Variants in ZNF662 observed in about 807,000 individuals in gnomAD.
The protein encoded by ZNF662 is zinc finger protein 662.
Under a neutral mutation model 12.4 loss-of-function variants are expected in ZNF662, and 14 were observed. That is an observed-to-expected ratio of 1.13 (90% confidence interval 0.75 to 1.77). The LOEUF (loss-of-function observed/expected upper bound fraction) is 1.77, where lower values mean the gene tolerates loss of function less well. ZNF662 is among the 40% of genes most tolerant of loss of function. The pLI is 0.00. For synonymous variants in ZNF662, 184 were observed against 176.4 expected (o/e 1.04, Z -0.34); for missense variants, 550 against 515.6 (o/e 1.07, Z -0.65).
At chr3:42,911,162 G>A (rs1228285129) in intron 3 of ZNF662, among the ~76,000 whole-genome samples, 4 of 152,180 alleles carry the variant, frequency 2.6e-5, no homozygotes, top group Non-Finnish European at 5.9e-5. Flanking sequence ...TCATATGCCA[G>A]CTCTAAATCA....
chr3:42,915,054 T>G lies in ZNF662; in HGVS notation c.981T>G (p.Thr327=). 2 of 1,614,106 alleles carry G rather than the reference T, an allele frequency of 1.2e-6. No homozygotes were observed. The highest frequency in any genetic ancestry group is 1.6e-4 in the Middle Eastern group (1 of 6,062). Residue 327 remains threonine, a synonymous_variant, in exon 5 of 5, where the codon ACT becomes ACG. Transcript: ENST00000440367. ...TTCTTCGACATCAGAGAATGCACAC[T>G]GGGGAGAAGCCTTACGAATGTAAGG... ...PALLRHQRMH[T]GEKPYECKDC...
At chr3:42,912,558 A>ATATTT (rs3045049) in intron 3 of ZNF662, among the ~76,000 whole-genome samples, 1 of 89,150 alleles carries the variant, frequency 1.1e-5, no homozygotes, top group African/African-American at 4.7e-5. Context: ...TAATATAAAT[A>ATATTT]TATATATAAA....
At position 42,908,011 on chromosome 3, in the gene ZNF662, T is replaced by C; in HGVS notation, c.-93-11T>C. 1 of 1,613,982 alleles carries C rather than the reference T, an allele frequency of 6.2e-7. No individual in the cohort carries two copies. Among genetic ancestry groups the C allele is most frequent in the Non-Finnish European group, 8.5e-7 (1 of 1,179,932 alleles). On this transcript the variant is annotated splice_polypyrimidine_tract_variant and intron_variant, in intron 1 of 4. Coordinates refer to ENST00000440367, the MANE Select transcript of ZNF662 (RefSeq NM_207404.4). ...GGTTGTCCTAGGGCATTTAAACACA[T>C]GTTGTTTCAGGAGTCAGTGACCTTC...
At position 42,914,728 on chromosome 3, in the gene ZNF662, G is replaced by T. The variant is rs574205053; in HGVS notation, c.655G>T (p.Val219Phe). The change falls in exon 5 of 5, where the codon GTC becomes TTC. Residue 219 changes from valine (V) to phenylalanine (F), a missense_variant. Transcript: ENST00000440367. ...QHQKTHNGEK[V>F]YGCKECGKAF... is the part of the protein sequence containing the mutation. Reference sequence around the variant, plus strand: ...CCAGAAAACTCATAATGGAGAGAAGGTCTATGGATGTAAGGAATGTGGGAA... The same window carrying T: ...CCAGAAAACTCATAATGGAGAGAAGTTCTATGGATGTAAGGAATGTGGGAA... 8.1e-6 allele frequency: 13 copies of T among 1,614,108 alleles called. No individual in the cohort carries two copies. The highest frequency in any genetic ancestry group is 1.1e-5 in the South Asian group (1 of 91,090).
At position 42,913,198 on chromosome 3, in the gene ZNF662, C is replaced by T. The variant is rs1219045696; in HGVS notation, c.152-3C>T. On this transcript the variant is annotated splice_region_variant and splice_polypyrimidine_tract_variant and intron_variant, in intron 3 of 4. Transcript: ENST00000440367. ...AGCCTTATTTGTATCTTGACCCTGG[C>T]AGGATATCCATTTCTAAAGCCTGCT... is the stretch of plus-strand genomic sequence containing the variant. The T allele has an allele frequency of 3.1e-6, 5 of 1,612,104 alleles. No individual in the cohort carries two copies. Among genetic ancestry groups the T allele is most frequent in the African/African-American group, 2.7e-5 (2 of 74,930 alleles).
In ZNF662 at chr3:42,915,246, T is replaced by G. The variant is rs140216775; in HGVS notation, c.1173T>G (p.Asn391Lys). The G allele has an allele frequency of 2.1e-4, 346 of 1,613,048 alleles. 1 individual carries two copies. The African/African-American group carries it at 4.2e-3, about 20-fold the overall frequency. ...IHTGERPYKCNDCGKAFSQNS... is the reference protein window; with the variant it reads ...IHTGERPYKCKDCGKAFSQNS... ...CTGGGGAAAGACCCTATAAATGTAA[T>G]GACTGTGGGAAGGCCTTCAGTCAGA... The change falls in exon 5 of 5, where the codon AAT (asparagine) becomes AAG (lysine). Residue 391 changes from asparagine to lysine, a missense_variant. Physicochemically the swap from Asn to Lys is moderately conservative, Grantham distance 94 (BLOSUM62 0). Transcript: ENST00000440367.
At chr3:42,912,420 T>C (rs1399370828) in intron 3 of ZNF662, among the ~76,000 whole-genome samples, 2 of 97,938 alleles carry the variant, frequency 2.0e-5, no homozygotes, top group East Asian at 6.0e-4. Flanking sequence ...ATTATATATA[T>C]TAATATATAT....
chr3:42,911,896 G>A (rs2088795882), intron 3 of ZNF662: 1 of 152,126 alleles, frequency 6.6e-6, no homozygotes, highest in African/African-American at 2.4e-5. Context: ...GGATAGGAAG[G>A]AAACTAGGAG....
At chr3:42,913,141 T>A in intron 3 of ZNF662, 60 bp from the exon 4 acceptor site, 2 of 1,265,448 alleles carry the variant, frequency 1.6e-6, no homozygotes, top group Non-Finnish European at 2.3e-6. Context: ...GTCTGCTCTT[T>A]TCCTGATGGG....
rs770911005 is a variant in ZNF662 at position 42,914,324 on chromosome 3, C to G, written c.254-3C>G. ...CATTTGAAGCTCCAATTTCTTTTTT[C>G]AGAGGGTGTGTTGAAGAGGAAGAAA... On this transcript the variant is annotated splice_region_variant and splice_polypyrimidine_tract_variant and intron_variant, in intron 4 of 4. Transcript: ENST00000440367. 1 of 1,578,704 alleles carries G rather than the reference C, an allele frequency of 6.3e-7. No homozygotes were observed. Among genetic ancestry groups the G allele is most frequent in the Non-Finnish European group, 8.6e-7 (1 of 1,167,598 alleles).
Position 42,908,019 on chromosome 3 carries a change from C to G in ZNF662, c.-93-3C>G. 1 of 1,614,114 alleles carries G rather than the reference C, an allele frequency of 6.2e-7. No homozygotes were observed. On this transcript the variant is annotated splice_region_variant and splice_polypyrimidine_tract_variant and intron_variant, in intron 1 of 4. Coordinates refer to ENST00000440367, the MANE Select transcript of ZNF662 (RefSeq NM_207404.4). ...TAGGGCATTTAAACACATGTTGTTT[C>G]AGGAGTCAGTGACCTTCGAGGATGT...
Position 42,912,150 on chromosome 3 carries a change from T to TATATAAAA in ZNF662, c.152-1037_152-1030dup, listed in dbSNP as rs200011780. 7.1e-4 allele frequency: 99 copies of TATATAAAA among 139,274 alleles called. 2 individuals carry two copies. The highest frequency in any genetic ancestry group is 2.3e-3 in the African/African-American group (87 of 38,512). The allele number at this position is 139,274 out of a possible 1,614,324, so 8.6% of individuals were successfully genotyped here. A position where few individuals can be genotyped will look rare whatever the true frequency, so the allele number is the denominator to read the frequency against. On this transcript the variant is annotated intron_variant, in intron 3 of 4. Transcript: ENST00000440367. ...CAGTATTTTCTATCCTTTATATAAA[T>TATATAAAA]ATATAAAAATATAAAAATATATAAA...
Position 42,906,201 on chromosome 3 carries a change from G to C in ZNF662, c.-94+33G>C. The stretch of plus-strand genomic sequence containing the variant: ...GCACGGGGAGTCGGGCGTGGGGCGG[G>C]CAGGGAGTGGAGTCGGGGTCTTACT... On this transcript the variant is annotated intron_variant, in intron 1 of 4. Coordinates refer to ENST00000440367, the MANE Select transcript of ZNF662 (RefSeq NM_207404.4). This position sits in a 1 kb window ranked among gnomAD's most constrained non-coding sequence, Gnocchi z 4.4. The C allele has an allele frequency of 1.6e-6, 1 of 642,514 alleles. No individual in the cohort carries two copies. Among genetic ancestry groups the C allele is most frequent in the Non-Finnish European group, 2.5e-6 (1 of 400,700 alleles). The allele number at this position is 642,514 out of a possible 1,614,324, so 39.8% of individuals were successfully genotyped here.
In ZNF662 at chr3:42,919,244, C is replaced by A. The variant is rs1017476154; in HGVS notation, c.*3890C>A. Among the ~76,000 whole-genome samples, 1 of 152,164 alleles carries A rather than the reference C, an allele frequency of 6.6e-6. No homozygotes were observed. The highest frequency in any genetic ancestry group is 1.5e-5 in the Non-Finnish European group (1 of 68,030). On this transcript the variant is annotated 3_prime_UTR_variant, in exon 5 of 5. Transcript: ENST00000440367. ...AAAATCTAATGACAAATATATAAGTCTTGAAACATAATTTCTCTCCAGTTC... is the reference window on the plus strand; with the variant it reads ...AAAATCTAATGACAAATATATAAGTATTGAAACATAATTTCTCTCCAGTTC...
intron 3 of ZNF662, among the ~76,000 whole-genome samples, chr3:42,912,660 A>ATATATTTT (rs2088829173): frequency 1.5e-5 from 1 of 64,580 alleles, no homozygotes; most frequent in Non-Finnish European, 3.0e-5. Context: ...ATAAATATAT[A>ATATATTTT]TATATATTTT....
intron 3 of ZNF662, among the ~76,000 whole-genome samples, chr3:42,910,362 G>C (rs554680859): frequency 6.4e-4 from 98 of 152,202 alleles, no homozygotes; most frequent in African/African-American, 2.2e-3. Flanking sequence ...GAGGGGGAGG[G>C]GGAAGGGGAG....
chr3:42,909,001 G>A, intron 3 of ZNF662, 92 bp downstream of exon 3: 1 of 773,226 alleles, frequency 1.3e-6, no homozygotes, highest in Non-Finnish European at 2.1e-6. Flanking sequence ...ATCTAGTGTT[G>A]TAGACACTAG....
rs376443887 is a variant in ZNF662, at chr3:42,908,846, A to G, written c.88A>G (p.Thr30Ala). The change falls in exon 3 of 5, where the codon ACA becomes GCA. Residue 30 changes from threonine (T) to alanine (A), a missense_variant. By Grantham distance (58) the Thr-to-Ala change is moderately conservative. Coordinates refer to ENST00000440367, the MANE Select transcript of ZNF662 (RefSeq NM_207404.4). ...ALISQLERGETPWCSVPRGAL... is the reference protein window; with the variant it reads ...ALISQLERGEAPWCSVPRGAL... ...GATTTCCCAGCTGGAGCGAGGGGAAACACCCTGGTGCTCGGTTCCTCGGGG... is the reference window on the plus strand; with the variant it reads ...GATTTCCCAGCTGGAGCGAGGGGAAGCACCCTGGTGCTCGGTTCCTCGGGG... 1.7e-5 allele frequency: 28 copies of G among 1,613,834 alleles called. No individual in the cohort carries two copies. Among genetic ancestry groups the G allele is most frequent in the African/African-American group, 1.6e-4 (12 of 74,858 alleles).
At chr3:42,909,798 G>T (rs995698768) in intron 3 of ZNF662, among the ~76,000 whole-genome samples, 1 of 150,610 alleles carries the variant, frequency 6.6e-6, no homozygotes, top group Non-Finnish European at 1.5e-5. Flanking sequence ...ATGGCGTGGC[G>T]GCGGGGCAGA....
Sources: allele counts gnomAD v4.1 joint callset (sites outside exome capture counted in the v4.1 genomes callset), GRCh38; gene constraint gnomAD v4.1.1; non-coding constraint Gnocchi (gnomAD v3.1); transcripts MANE v1.5; gene names NCBI Gene and HGNC (gene_info 2026-07-23, HGNC 2026-07-21).